Variants in MAP2K6 observed in about 807,000 individuals in gnomAD.
MAP2K6 encodes the protein mitogen-activated protein kinase kinase 6.
A neutral mutation model predicts 53.7 loss-of-function variants in MAP2K6; 16 were observed. The observed-to-expected ratio is 0.30, with a 90% CI of 0.20 to 0.45. The LOEUF is 0.45. MAP2K6 is among the 20% of genes least tolerant of loss of function. The probability of loss-of-function intolerance (pLI) is 1.00; values close to 1 mark genes in which losing one functional copy is unlikely to be tolerated. For missense variants in MAP2K6, 204 were observed against 411.9 expected, an observed-to-expected ratio of 0.50 and a Z score of 4.37; for synonymous variants, 132 against 143.1, an observed-to-expected ratio of 0.92 and a Z score of 0.55.
At chr17:69,435,441 G>A (rs1026669744) in intron 1 of MAP2K6, 3 of 151,538 alleles carry the variant, frequency 2.0e-5, no homozygotes, top group African/African-American at 4.9e-5. Flanking sequence ...AGGCTGAGGC[G>A]GGAGAATTGC....
chr17:69,467,822 T>G (rs1039787430), intron 1 of MAP2K6, among the ~76,000 whole-genome samples: 49 of 152,030 alleles, frequency 3.2e-4, no homozygotes, highest in Middle Eastern at 3.2e-3. Flanking sequence ...CAGGCTGGAG[T>G]GCAGTGGCAT....
Position 69,494,077 on chromosome 17 carries a change from G to C in MAP2K6, c.17-11703G>C, listed in dbSNP as rs1227042001. ...CAATTTCTAACCAACAGAGGGATGTGTGAGTCAATAACAAGGGATAAGAGC... is the reference window on the plus strand; with the variant it reads ...CAATTTCTAACCAACAGAGGGATGTCTGAGTCAATAACAAGGGATAAGAGC... On this transcript the variant is annotated intron_variant, in intron 1 of 11. Coordinates refer to ENST00000590474, the MANE Select transcript of MAP2K6 (RefSeq NM_002758.4). This position sits in a 1 kb window ranked among gnomAD's most constrained non-coding sequence, Gnocchi z 4.2. 2.6e-5 allele frequency among the ~76,000 whole-genome samples: 4 copies of C among 152,184 alleles called. No homozygotes were observed. Among genetic ancestry groups the C allele is most frequent in the African/African-American group, 9.7e-5 (4 of 41,450 alleles).
At chr17:69,533,155 C>G (rs907157418) in intron 10 of MAP2K6, among the ~76,000 whole-genome samples, 2 of 152,106 alleles carry the variant, frequency 1.3e-5, no homozygotes, top group Admixed American at 6.5e-5. Context: ...TCTTGAACTC[C>G]TGACCTCAAG....
chr17:69,510,609 T>C (rs575972080), intron 2 of MAP2K6, among the ~76,000 whole-genome samples: 1 of 152,204 alleles, frequency 6.6e-6, no homozygotes, highest in Non-Finnish European at 1.5e-5. Context: ...TGGGACTTTT[T>C]AATCACAATC....
chr17:69,541,576 A>C (rs1384545960), intron 11 of MAP2K6, 100 bp from the exon 12 acceptor site: 4 of 843,064 alleles, frequency 4.7e-6, no homozygotes, highest in Non-Finnish European at 7.5e-6. Context: ...TCTGATAGGG[A>C]TACTTAATCC....
At chr17:69,416,935 C>G (rs1250138370) in intron 1 of MAP2K6, among the ~76,000 whole-genome samples, 1 of 152,112 alleles carries the variant, frequency 6.6e-6, no homozygotes, top group Non-Finnish European at 1.5e-5. Flanking sequence ...TTAGTAGAGC[C>G]AGTTTTTGAG....
At chr17:69,466,491 A>G (rs1253624129) in intron 1 of MAP2K6, among the ~76,000 whole-genome samples, 1 of 152,062 alleles carries the variant, frequency 6.6e-6, no homozygotes, top group African/African-American at 2.4e-5. Flanking sequence ...GACCCTCCTT[A>G]TCATCCCTCA....
At chr17:69,510,310 A>G (rs1201465005) in intron 2 of MAP2K6, among the ~76,000 whole-genome samples, 1 of 152,198 alleles carries the variant, frequency 6.6e-6, no homozygotes, top group Non-Finnish European at 1.5e-5. Flanking sequence ...AATCCCAGTT[A>G]GTTATGGTAT....
chr17:69,470,083 T>TA, intron 1 of MAP2K6, among the ~76,000 whole-genome samples: 1 of 152,248 alleles, frequency 6.6e-6, no homozygotes, highest in Middle Eastern at 3.4e-3. Context: ...TGTGTGCCTG[T>TA]AGTCCTAGCT....
chr17:69,488,385 C>T (rs1281626464), intron 1 of MAP2K6, among the ~76,000 whole-genome samples: 1 of 152,148 alleles, frequency 6.6e-6, no homozygotes, highest in Non-Finnish European at 1.5e-5. Context: ...GAACTTAAAA[C>T]AGAGCTACCA....
rs899884402 is a variant in MAP2K6, at chr17:69,547,514, A to G, written c.*5761A>G. ...CATGGTTTGCCAACACCAGTCTTAG[A>G]GCATTAAATATAAAACTCTGATTAA... On this transcript the variant is annotated 3_prime_UTR_variant, in exon 12 of 12. Transcript: ENST00000590474. 6.6e-6 allele frequency: 1 copy of G among 152,284 alleles called. No homozygotes were observed. The highest frequency in any genetic ancestry group is 1.5e-5 in the Non-Finnish European group (1 of 68,048). 9.4% of individuals were successfully genotyped at this position (152,284 alleles called of 1,614,324 possible).
intron 1 of MAP2K6, among the ~76,000 whole-genome samples, chr17:69,455,276 G>T (rs911446957): frequency 2.8e-4 from 43 of 152,090 alleles, no homozygotes; most frequent in African/African-American, 9.9e-4. Flanking sequence ...CCTTTATGAA[G>T]ATAACTGGAT....
intron 4 of MAP2K6, among the ~76,000 whole-genome samples, chr17:69,518,799 A>G (rs188116013): frequency 9.8e-5 from 15 of 152,354 alleles, no homozygotes; most frequent in Non-Finnish European, 1.5e-4. Flanking sequence ...CTAGTGTGAC[A>G]GATTGTTCTT....
Position 69,544,701 on chromosome 17 carries a change from ATAT to A in MAP2K6, c.*2953_*2955del, listed in dbSNP as rs776413449. On this transcript the variant is annotated 3_prime_UTR_variant, in exon 12 of 12. Transcript: ENST00000590474. ...TTTATTAAAATAGCCATCTTTTTTG[ATAT>A]TATTGGTTTAAGAGGTGTGCCAAAA... 1.3e-5 allele frequency: 2 copies of A among 152,094 alleles called. No homozygotes were observed. Among genetic ancestry groups the A allele is most frequent in the Non-Finnish European group, 2.9e-5 (2 of 68,014 alleles). 9.4% of individuals were successfully genotyped at this position (152,094 alleles called of 1,614,324 possible).
intron 1 of MAP2K6, among the ~76,000 whole-genome samples, chr17:69,460,556 A>G (rs745881708): frequency 1.2e-4 from 18 of 152,212 alleles, no homozygotes; most frequent in Non-Finnish European, 2.2e-4. Flanking sequence ...GAGATCAGTA[A>G]GAAAACCAGT....
At chr17:69,472,998 C>T (rs1425980764) in intron 1 of MAP2K6, among the ~76,000 whole-genome samples, 3 of 152,192 alleles carry the variant, frequency 2.0e-5, no homozygotes, top group East Asian at 1.9e-4. Context: ...TGAGCCAATG[C>T]GCCTGGCCTA....
chr17:69,428,056 C>T (rs1840068700), intron 1 of MAP2K6, among the ~76,000 whole-genome samples: 1 of 152,124 alleles, frequency 6.6e-6, no homozygotes, highest in South Asian at 2.1e-4. Flanking sequence ...TATAGAACAA[C>T]CAAATAAATT....
chr17:69,475,313 C>T (rs1383364832), intron 1 of MAP2K6, among the ~76,000 whole-genome samples: 1 of 150,880 alleles, frequency 6.6e-6, no homozygotes, highest in Admixed American at 6.6e-5. Context: ...GGACTACAGG[C>T]GCCCGCCAAC....
chr17:69,512,333 T>G (rs1042486430), intron 2 of MAP2K6, among the ~76,000 whole-genome samples: 1 of 82,106 alleles, frequency 1.2e-5, no homozygotes, highest in Admixed American at 1.0e-4. Context: ...TAAGTGTTTT[T>G]TTTTTGTTTT....
Sources: allele counts gnomAD v4.1 joint callset (sites outside exome capture counted in the v4.1 genomes callset), GRCh38; gene constraint gnomAD v4.1.1; non-coding constraint Gnocchi (gnomAD v3.1); transcripts MANE v1.5; gene names NCBI Gene and HGNC (gene_info 2026-07-23, HGNC 2026-07-21).